METAP1D: variants seen among roughly 807,000 people sequenced by gnomAD.
The protein encoded by METAP1D is methionine aminopeptidase 1D, mitochondrial.
METAP1D carries 31 observed loss-of-function variants against 40.5 expected under a neutral mutation model. The observed-to-expected ratio is 0.77, with a 90% CI of 0.58 to 1.03. The LOEUF is 1.03. METAP1D is among the 50% of genes least tolerant of loss of function. The probability of loss-of-function intolerance (pLI) is 0.00; values close to 1 mark genes in which losing one functional copy is unlikely to be tolerated. For synonymous variants in METAP1D, 151 were observed against 146.4 expected (o/e 1.03, Z -0.22); for missense variants, 411 against 420.7 (o/e 0.98, Z 0.20).
At chr2:172,080,229 CT>C (rs1690668303) in intron 9 of METAP1D, 23 bp downstream of exon 9, 1 of 1,613,930 alleles carries the variant, frequency 6.2e-7, no homozygotes, top group Non-Finnish European at 8.5e-7. Flanking sequence ...TGCTCTGTTG[CT>C]TTTAAATTGT....
At chr2:172,028,536 GTGTGTC>G (rs1446503993) in intron 1 of METAP1D, among the ~76,000 whole-genome samples, 13 of 120,824 alleles carry the variant, frequency 1.1e-4, no homozygotes, top group South Asian at 6.0e-4. Context: ...ACTTCTGTAT[GTGTGTC>G]TGTGTGTGTG....
At chr2:172,000,806 T>A (rs1247296960) in intron 1 of METAP1D, among the ~76,000 whole-genome samples, 3 of 152,164 alleles carry the variant, frequency 2.0e-5, no homozygotes, top group Non-Finnish European at 4.4e-5. Flanking sequence ...TGCTTCCTTT[T>A]AAAACTCAAT....
intron 1 of METAP1D, among the ~76,000 whole-genome samples, chr2:172,037,432 A>T (rs1409181026): frequency 1.5e-5 from 2 of 135,890 alleles, no homozygotes; most frequent in African/African-American, 5.5e-5. Flanking sequence ...GTAAAGCTTT[A>T]AAAAAGGAGA....
At chr2:172,020,539 T>C (rs995173483) in intron 1 of METAP1D, among the ~76,000 whole-genome samples, 3 of 152,212 alleles carry the variant, frequency 2.0e-5, no homozygotes, top group East Asian at 1.9e-4. Context: ...GCACAATGTG[T>C]CCAATTTTTA....
intron 1 of METAP1D, among the ~76,000 whole-genome samples, chr2:172,000,568 G>C (rs1688436648): frequency 6.6e-6 from 1 of 152,150 alleles, no homozygotes; most frequent in South Asian, 2.1e-4. Flanking sequence ...AGCAGAATTG[G>C]GGAAATCTTT....
At position 172,042,201 on chromosome 2, in the gene METAP1D, A is replaced by G. The variant is rs1373042673; in HGVS notation, c.41-19297A>G. The stretch of plus-strand genomic sequence containing the variant: ...TATGTATGTGTACATGTGTACACAT[A>G]TACATATGTATGTGTACATGTGTAC... On this transcript the variant is annotated intron_variant, in intron 1 of 9. Transcript: ENST00000315796. Among the ~76,000 whole-genome samples the G allele has an allele frequency of 2.1e-3, 142 of 68,712 alleles. 22 individuals carry two copies. The highest frequency in any genetic ancestry group is 5.8e-3 in the African/African-American group (137 of 23,638). 45.1% of individuals were successfully genotyped at this position (68,712 alleles called of 152,430 possible). A position where few individuals can be genotyped will look rare whatever the true frequency, so the allele number is the denominator to read the frequency against.
chr2:172,024,379 C>T (rs752542480), intron 1 of METAP1D, among the ~76,000 whole-genome samples: 10 of 152,172 alleles, frequency 6.6e-5, no homozygotes, highest in Admixed American at 4.6e-4. Flanking sequence ...AATGTACCCA[C>T]CTCATACTTT....
intron 1 of METAP1D, among the ~76,000 whole-genome samples, chr2:172,037,854 G>A (rs947591455): frequency 1.3e-5 from 2 of 152,212 alleles, no homozygotes; most frequent in African/African-American, 4.8e-5. Context: ...AGTTAGGAAA[G>A]CAGGGTTGCT....
intron 1 of METAP1D, among the ~76,000 whole-genome samples, chr2:172,035,561 A>G (rs1162935643): frequency 6.6e-6 from 1 of 152,214 alleles, no homozygotes; most frequent in Non-Finnish European, 1.5e-5. Context: ...TCCCCTGGGT[A>G]GCCACTATCC....
chr2:172,024,748 T>TTGTGTGTGTGTGTG (rs61596658), intron 1 of METAP1D, among the ~76,000 whole-genome samples: 86 of 66,652 alleles, frequency 1.3e-3, no homozygotes, highest in African/African-American at 3.0e-3. Flanking sequence ...GACATATAGA[T>TTGTGTGTGTGTGTG]TGTGTGTGTG....
At chr2:172,067,395 A>G (rs1426401490) in intron 5 of METAP1D, among the ~76,000 whole-genome samples, 2 of 152,206 alleles carry the variant, frequency 1.3e-5, no homozygotes, top group Non-Finnish European at 2.9e-5. Flanking sequence ...CATATCAATC[A>G]TATGAGGAGA....
chr2:172,005,726 G>A (rs183357103), intron 1 of METAP1D, among the ~76,000 whole-genome samples: 6 of 150,656 alleles, frequency 4.0e-5, no homozygotes, highest in African/African-American at 1.2e-4. Flanking sequence ...TTTTGTAGAG[G>A]CGGGATTTCA....
At chr2:172,075,426 G>A (rs1423936188) in intron 6 of METAP1D, among the ~76,000 whole-genome samples, 2 of 152,180 alleles carry the variant, frequency 1.3e-5, no homozygotes, top group Admixed American at 1.3e-4. Flanking sequence ...GTGTTTGGGA[G>A]CACTTCGGTG....
At position 172,063,853 on chromosome 2, in the gene METAP1D, G is replaced by C; in HGVS notation, c.341G>C (p.Ser114Thr). The change falls in exon 3 of 10, where the codon AGT (serine) becomes ACT (threonine). Residue 114 changes from serine (S) to threonine (T), a missense_variant. Coordinates refer to ENST00000315796, the MANE Select transcript of METAP1D (RefSeq NM_199227.3). ...ARHVLLLAGK[S>T]LKVDMTTEEI... ...CACGTCCTCCTCTTGGCTGGGAAGA[G>C]TTTAAAGGTGGCGTCTCACCAAGCC... 1 of 1,609,188 alleles carries C rather than the reference G, an allele frequency of 6.2e-7. No homozygotes were observed. Among genetic ancestry groups the C allele is most frequent in the Non-Finnish European group, 8.5e-7 (1 of 1,178,252 alleles).
chr2:172,069,032 C>T lies in METAP1D; in HGVS notation c.541-1875C>T, dbSNP rs146883130. Among the ~76,000 whole-genome samples the T allele has an allele frequency of 5.1e-3, 776 of 152,206 alleles. 3 individuals carry two copies. The highest frequency in any genetic ancestry group is 0.015 in the African/African-American group (631 of 41,500). ...CTCCTGGGCTCAAGTGATCCTTCTA[C>T]CGTAGCCTCCCAAGTAGCTAGAACT... On this transcript the variant is annotated intron_variant, in intron 5 of 9. Transcript: ENST00000315796.
chr2:172,042,928 C>G lies in METAP1D; in HGVS notation c.41-18570C>G, dbSNP rs1440845459. Among the ~76,000 whole-genome samples, 2 of 126,604 alleles carry G rather than the reference C, an allele frequency of 1.6e-5. 1 individual carries two copies. The highest frequency in any genetic ancestry group is 3.7e-5 in the Non-Finnish European group (2 of 54,440). The allele number at this position is 126,604 out of a possible 152,430, so 83.1% of individuals were successfully genotyped here. ...GTACATATGTATACATATATGCGTA[C>G]ATGTGTATACACGTATGCGTACCTG... On this transcript the variant is annotated intron_variant, in intron 1 of 9. Transcript: ENST00000315796.
chr2:172,049,406 T>C (rs755852497), intron 1 of METAP1D, among the ~76,000 whole-genome samples: 1 of 150,724 alleles, frequency 6.6e-6, no homozygotes, highest in Non-Finnish European at 1.5e-5. Flanking sequence ...TTTACTTATA[T>C]ACATATTTAT....
Position 172,080,372 on chromosome 2 carries a change from C to T in METAP1D, c.974C>T (p.Ala325Val), listed in dbSNP as rs2120353. 6.2e-7 allele frequency: 1 copy of T among 1,614,028 alleles called. No homozygotes were observed. The highest frequency in any genetic ancestry group is 8.5e-7 in the Non-Finnish European group (1 of 1,179,902). The change falls in exon 10 of 10, where the codon GCG becomes GTG. Residue 325 changes from alanine to valine, a missense_variant. By Grantham distance (64) the Ala-to-Val change is moderately conservative. Coordinates refer to ENST00000315796, the MANE Select transcript of METAP1D (RefSeq NM_199227.3). The part of the protein sequence containing the change: ...EHTVLITSRG[A>V]QILTKLPHEA ...ACGGTTCTGATCACGTCGAGGGGCG[C>T]GCAGATCCTGACCAAACTACCCCAT...
chr2:172,066,510 A>G (rs555612377), intron 5 of METAP1D, among the ~76,000 whole-genome samples: 10 of 152,178 alleles, frequency 6.6e-5, no homozygotes, highest in Non-Finnish European at 1.5e-4. Flanking sequence ...TAGGGCTGCA[A>G]TCAGATGCAC....
Sources: gnomAD v4.1 joint callset for allele counts (sites outside exome capture counted in the v4.1 genomes callset) on GRCh38, gnomAD v4.1.1 for gene constraint, MANE v1.5 for transcripts, NCBI Gene and HGNC (gene_info 2026-07-23, HGNC 2026-07-21) for gene names.